Variants in NRXN3 observed in about 807,000 individuals in gnomAD.
NRXN3 encodes the protein neurexin III.
Under a neutral mutation model 137.6 loss-of-function variants are expected in NRXN3, and 32 were observed. The observed-to-expected ratio is 0.23, with a 90% CI of 0.18 to 0.31. The LOEUF is 0.31. Ranked by LOEUF, NRXN3 falls within the 10% of genes least tolerant of loss-of-function variation. NRXN3 has a pLI of 1.00. For synonymous variants in NRXN3, 798 were observed against 784.5 expected (o/e 1.02, Z -0.29); for missense variants, 1,574 against 2,062.5 (o/e 0.76, Z 4.59).
intron 10 of NRXN3, among the ~76,000 whole-genome samples, chr14:78,856,217 C>A (rs2099056660): frequency 6.6e-6 from 1 of 152,146 alleles, no homozygotes; most frequent in Non-Finnish European, 1.5e-5. Flanking sequence ...ACTTCAATAC[C>A]ATTTTGGTTC....
At chr14:79,216,112 T>A (rs963957576) in intron 15 of NRXN3, among the ~76,000 whole-genome samples, 2 of 152,188 alleles carry the variant, frequency 1.3e-5, no homozygotes, top group African/African-American at 4.8e-5. Context: ...TAGAAGTGAC[T>A]GGCATGGCTG....
At chr14:78,646,926 C>T (rs1401404759) in intron 5 of NRXN3, among the ~76,000 whole-genome samples, 2 of 152,196 alleles carry the variant, frequency 1.3e-5, no homozygotes, top group African/African-American at 2.4e-5. Context: ...GCTGCAGAGA[C>T]TAGACCTAAA....
At chr14:78,651,785 C>A (rs1318723230) in intron 6 of NRXN3, among the ~76,000 whole-genome samples, 2 of 152,152 alleles carry the variant, frequency 1.3e-5, no homozygotes, top group East Asian at 3.9e-4. Context: ...ATGGGAAAGA[C>A]CTGACCCCAT....
intron 19 of NRXN3, among the ~76,000 whole-genome samples, chr14:79,742,881 C>T (rs2098967497): frequency 6.6e-6 from 1 of 152,174 alleles, no homozygotes. Context: ...TAAATGCCCT[C>T]ACACATTTGA....
At position 78,599,539 on chromosome 14, in the gene NRXN3, G is replaced by T. The variant is rs79616502; in HGVS notation, c.758-45581G>T. Among the ~76,000 whole-genome samples, 923 of 152,254 alleles carry T rather than the reference G, an allele frequency of 6.1e-3. 14 individuals are homozygous for T. Among genetic ancestry groups the T allele is most frequent in the African/African-American group, 0.021 (883 of 41,528 alleles). On this transcript the variant is annotated intron_variant, in intron 4 of 20. Coordinates refer to ENST00000335750, the MANE Select transcript of NRXN3 (RefSeq NM_001330195.2). Reference sequence around the variant, plus strand: ...TACAAAATCCAAACTTACATGCTTTGTCTGTACACTTCTTGGTCTTCCAAC... The same window carrying T: ...TACAAAATCCAAACTTACATGCTTTTTCTGTACACTTCTTGGTCTTCCAAC...
intron 15 of NRXN3, among the ~76,000 whole-genome samples, chr14:79,269,189 T>A (rs937390819): frequency 2.0e-5 from 3 of 151,984 alleles, no homozygotes; most frequent in Non-Finnish European, 4.4e-5. Flanking sequence ...AGCTGGGACT[T>A]CAGGTGCCCG....
At chr14:78,440,010 G>T (rs2094193245) in intron 4 of NRXN3, among the ~76,000 whole-genome samples, 1 of 152,178 alleles carries the variant, frequency 6.6e-6, no homozygotes, top group Non-Finnish European at 1.5e-5. Context: ...CCACATGAGG[G>T]CATTGCCCGC....
In NRXN3 at chr14:79,275,878, T is replaced by G. The variant is rs563366390; in HGVS notation, c.3263-191343T>G. Among the ~76,000 whole-genome samples, 173 of 152,346 alleles carry G rather than the reference T, an allele frequency of 1.1e-3. 1 individual carries two copies. The highest frequency in any genetic ancestry group is 2.1e-3 in the Non-Finnish European group (145 of 68,028). On this transcript the variant is annotated intron_variant, in intron 15 of 20. Coordinates refer to ENST00000335750, the MANE Select transcript of NRXN3 (RefSeq NM_001330195.2). ...TGGTTAGGATTCCGTGGGGGGTTTA[T>G]TCAAGTGGAGCTAAGCGTGGTTGTT...
At chr14:78,967,060 G>T (rs1188627411) in intron 12 of NRXN3, 148 bp from the exon 13 acceptor site, 1 of 663,768 alleles carries the variant, frequency 1.5e-6, no homozygotes, top group Non-Finnish European at 2.5e-6. Flanking sequence ...GACTATTCTT[G>T]TAACCTCATA....
At chr14:79,586,277 C>A (rs2097764777) in intron 16 of NRXN3, among the ~76,000 whole-genome samples, 1 of 152,180 alleles carries the variant, frequency 6.6e-6, no homozygotes, top group Non-Finnish European at 1.5e-5. Context: ...TATATGTAAT[C>A]ATCTTGCGGA....
chr14:79,499,784 C>A lies in NRXN3; in HGVS notation c.3444+32382C>A, dbSNP rs371207475. On this transcript the variant is annotated intron_variant, in intron 16 of 20. Transcript: ENST00000335750. The stretch of plus-strand genomic sequence containing the variant: ...CACCCTAATCTAGGGGACTAGAATA[C>A]CGAAAGAAAATTTGCTTCTACGAAC... Among the ~76,000 whole-genome samples the A allele has an allele frequency of 3.7e-4, 57 of 152,202 alleles. 1 individual carries two copies. In the East Asian group the frequency reaches 8.5e-3, roughly 23 times the overall value.
chr14:78,960,841 T>A (rs2099406692), intron 11 of NRXN3, among the ~76,000 whole-genome samples: 1 of 152,116 alleles, frequency 6.6e-6, no homozygotes, highest in Non-Finnish European at 1.5e-5. Context: ...TTTGCAAAAT[T>A]TTCCATTTAA....
chr14:78,757,453 A>C (rs891327752), intron 8 of NRXN3, among the ~76,000 whole-genome samples: 3 of 151,620 alleles, frequency 2.0e-5, no homozygotes, highest in Admixed American at 1.3e-4. Context: ...ATTAGCAATC[A>C]TGTACCTCCC....
intron 1 of NRXN3, among the ~76,000 whole-genome samples, chr14:78,192,562 G>T (rs946278290): frequency 2.0e-5 from 3 of 152,154 alleles, no homozygotes; most frequent in African/African-American, 7.2e-5. Flanking sequence ...AGCAGTTGTG[G>T]GTGACAGCTG....
intron 10 of NRXN3, among the ~76,000 whole-genome samples, chr14:78,825,847 T>C (rs1188654646): frequency 6.6e-6 from 1 of 152,212 alleles, no homozygotes; most frequent in Non-Finnish European, 1.5e-5. Flanking sequence ...CAAGGCCTTT[T>C]GTCTCACTGA....
intron 19 of NRXN3, among the ~76,000 whole-genome samples, chr14:79,783,769 A>T (rs1424838532): frequency 6.6e-6 from 1 of 152,152 alleles, no homozygotes; most frequent in Non-Finnish European, 1.5e-5. Context: ...GCTTTGTAGG[A>T]TTTTGCAGAT....
chr14:79,067,738 C>G (rs1364713592), intron 15 of NRXN3, among the ~76,000 whole-genome samples: 2 of 152,076 alleles, frequency 1.3e-5, no homozygotes, highest in Non-Finnish European at 2.9e-5. Context: ...GTCTAATGAC[C>G]TCATTTTAAC....
chr14:79,680,946 G>A (rs760047395), intron 17 of NRXN3, among the ~76,000 whole-genome samples: 7 of 152,240 alleles, frequency 4.6e-5, no homozygotes, highest in Middle Eastern at 6.8e-3. Flanking sequence ...CTCATTCCCT[G>A]CTCTTCCCCT....
intron 19 of NRXN3, among the ~76,000 whole-genome samples, chr14:79,750,665 G>C (rs2098994427): frequency 6.6e-6 from 1 of 152,120 alleles, no homozygotes; most frequent in Admixed American, 6.6e-5. Flanking sequence ...ATCAGGGCAG[G>C]TTATAGTATT....
Sources: allele counts gnomAD v4.1 joint callset (sites outside exome capture counted in the v4.1 genomes callset), GRCh38; gene constraint gnomAD v4.1.1; transcripts MANE v1.5; gene names NCBI Gene and HGNC (gene_info 2026-07-23, HGNC 2026-07-21).